The following SYT16 variants were observed in gnomAD, a reference collection of about 807,000 sequenced individuals.
SYT16 encodes the protein synaptotagmin 16.
SYT16 carries 42 observed loss-of-function variants against 61.4 expected under a neutral mutation model. The ratio of observed to expected loss-of-function variants is 0.68; its 90% CI spans 0.53 to 0.89. The LOEUF is 0.89. Among genes scored for constraint, SYT16 ranks in the 40% least tolerant of loss-of-function variants. The pLI, the probability that SYT16 is intolerant of heterozygous loss-of-function variation, is 0.00. For synonymous variants in SYT16, 314 were observed against 302.3 expected, an observed-to-expected ratio of 1.04 and a Z score of -0.40; for missense variants, 804 against 807.3, an observed-to-expected ratio of 1.00 and a Z score of 0.05.
intron 2 of SYT16, among the ~76,000 whole-genome samples, chr14:61,980,584 T>A (rs1025353784): frequency 1.3e-5 from 2 of 152,198 alleles, no homozygotes; most frequent in African/African-American, 4.8e-5. Context: ...TTGAGAATAT[T>A]TATTCATCCA....
At chr14:61,976,777 G>C (rs2051823750) in intron 2 of SYT16, among the ~76,000 whole-genome samples, 1 of 152,102 alleles carries the variant, frequency 6.6e-6, no homozygotes, top group East Asian at 1.9e-4. Context: ...GACATGCCCT[G>C]GAGACATTTT....
intron 7 of SYT16, among the ~76,000 whole-genome samples, chr14:62,095,936 C>T (rs2057259560): frequency 6.6e-6 from 1 of 151,874 alleles, no homozygotes; most frequent in African/African-American, 2.4e-5. Context: ...TATTGTCAGA[C>T]TTAGGGAAAG....
intron 1 of SYT16, among the ~76,000 whole-genome samples, chr14:61,845,190 G>A (rs1023244757): frequency 2.2e-4 from 33 of 152,046 alleles, no homozygotes; most frequent in African/African-American, 8.0e-4. Context: ...TGGGATTACA[G>A]GCATCTGCCA....
intron 1 of SYT16, among the ~76,000 whole-genome samples, chr14:61,831,701 A>G (rs1362427730): frequency 6.7e-6 from 1 of 149,970 alleles, no homozygotes; most frequent in Non-Finnish European, 1.5e-5. Flanking sequence ...TACTTTCTCC[A>G]GATTTTTCTT....
rs1308552899 is a variant in SYT16, at chr14:61,969,085, G to A, written c.-324-1047G>A. On this transcript the variant is annotated intron_variant, in intron 1 of 7. Transcript: ENST00000683842. Reference sequence around the variant, plus strand: ...TTTTCTCTATTTATCTGGATAGTAAGGTTAGGTGAGTATTATCTCTTCATA... The same window carrying A: ...TTTTCTCTATTTATCTGGATAGTAAAGTTAGGTGAGTATTATCTCTTCATA... 3.9e-5 allele frequency among the ~76,000 whole-genome samples: 6 copies of A among 152,108 alleles called. No individual in the cohort carries two copies. In the East Asian group the frequency reaches 9.6e-4, roughly 24 times the overall value.
intron 1 of SYT16, among the ~76,000 whole-genome samples, chr14:61,913,052 T>C (rs1326032725): frequency 6.6e-6 from 1 of 152,234 alleles, no homozygotes; most frequent in East Asian, 1.9e-4. Flanking sequence ...GTGACATTCC[T>C]TAGAAATCTT....
In SYT16 at chr14:61,995,906, C is replaced by A; in HGVS notation, c.-114C>A. 9.6e-7 allele frequency: 1 copy of A among 1,045,332 alleles called. No individual in the cohort carries two copies. Among genetic ancestry groups the A allele is most frequent in the Non-Finnish European group, 1.4e-6 (1 of 737,140 alleles). The allele number at this position is 1,045,332 out of a possible 1,614,324, so 64.8% of individuals were successfully genotyped here. ...AGTTTTGAGAGTGAAATATTCACAG[C>A]CATTAAGAGACCTCCAAATTAATTT... On this transcript the variant is annotated 5_prime_UTR_variant, in exon 3 of 8. Transcript: ENST00000683842.
chr14:62,079,507 A>T (rs574206663), intron 5 of SYT16: 24 of 281,708 alleles, frequency 8.5e-5, no homozygotes, highest in Non-Finnish European at 1.3e-4. Flanking sequence ...TAGAGCTAGT[A>T]AGTGGTAGGC....
At chr14:61,954,941 TA>T (rs1268175862) in intron 1 of SYT16, among the ~76,000 whole-genome samples, 1 of 152,282 alleles carries the variant, frequency 6.6e-6, no homozygotes, top group East Asian at 1.9e-4. Context: ...ATTATGATTT[TA>T]AAAAATATAT....
intron 1 of SYT16, among the ~76,000 whole-genome samples, chr14:61,848,680 C>T (rs1188887415): frequency 6.6e-6 from 1 of 152,134 alleles, no homozygotes; most frequent in African/African-American, 2.4e-5. Context: ...TTCCCTGAGC[C>T]ATGGGAAGGT....
chr14:61,971,528 G>T (rs1252938039), intron 2 of SYT16, among the ~76,000 whole-genome samples: 1 of 152,212 alleles, frequency 6.6e-6, no homozygotes, highest in African/African-American at 2.4e-5. Flanking sequence ...AGAGATCCAT[G>T]AGAAAGCAAG....
At chr14:61,917,833 A>G (rs370001035) in intron 1 of SYT16, among the ~76,000 whole-genome samples, 24 of 152,308 alleles carry the variant, frequency 1.6e-4, no homozygotes, top group Non-Finnish European at 2.9e-4. Context: ...ATTTGCATAT[A>G]TATAATGAGA....
At chr14:61,958,982 C>T (rs1162892492) in intron 1 of SYT16, among the ~76,000 whole-genome samples, 1 of 151,842 alleles carries the variant, frequency 6.6e-6, no homozygotes, top group Non-Finnish European at 1.5e-5. Context: ...TAGAATTGAC[C>T]CTTTTGTCAT....
At chr14:61,970,408 T>A (rs1595048852) in intron 2 of SYT16, 97 bp downstream of exon 2, 1 of 152,200 alleles carries the variant, frequency 6.6e-6, no homozygotes, top group Non-Finnish European at 1.5e-5. Flanking sequence ...GAATACATTA[T>A]CTTTATGAAA....
chr14:62,068,908 G>C (rs1171974429), intron 3 of SYT16, among the ~76,000 whole-genome samples: 1 of 152,054 alleles, frequency 6.6e-6, no homozygotes, highest in Admixed American at 6.5e-5. Context: ...TGATTCTCCT[G>C]TCTCAGCCTC....
chr14:61,993,955 T>A (rs902976191), intron 2 of SYT16, among the ~76,000 whole-genome samples: 6 of 152,140 alleles, frequency 3.9e-5, no homozygotes, highest in African/African-American at 1.4e-4. Flanking sequence ...CCAGGGAGCC[T>A]CCATTCTAGA....
intron 2 of SYT16, among the ~76,000 whole-genome samples, chr14:61,979,345 G>T (rs544802373): frequency 1.3e-5 from 2 of 152,128 alleles, no homozygotes; most frequent in South Asian, 4.2e-4. Context: ...GGCAGAGAAA[G>T]ACATTTTTCA....
chr14:61,852,004 A>C (rs1007952951), intron 1 of SYT16, among the ~76,000 whole-genome samples: 1 of 152,098 alleles, frequency 6.6e-6, no homozygotes, highest in African/African-American at 2.4e-5. Flanking sequence ...TTCAATGCCT[A>C]TATCCTGTAT....
intron 3 of SYT16, among the ~76,000 whole-genome samples, chr14:62,009,584 G>C (rs771095461): frequency 1.3e-5 from 2 of 152,064 alleles, no homozygotes; most frequent in African/African-American, 4.8e-5. Flanking sequence ...TGCAAACTAC[G>C]GTTCTCCTAT....
Sources: gnomAD v4.1 joint callset for allele counts (sites outside exome capture counted in the v4.1 genomes callset) on GRCh38, gnomAD v4.1.1 for gene constraint, MANE v1.5 for transcripts, NCBI Gene and HGNC (gene_info 2026-07-23, HGNC 2026-07-21) for gene names.